USP13: variants seen among roughly 807,000 people sequenced by gnomAD.
The protein encoded by USP13 is ubiquitin specific peptidase 13, also known as ubiquitin carboxyl-terminal hydrolase 13.
USP13 carries 68 observed loss-of-function variants against 107.8 expected under a neutral mutation model. That is an observed-to-expected ratio of 0.63 (90% CI 0.52 to 0.77). The LOEUF (loss-of-function observed/expected upper bound fraction) is 0.77. USP13 is among the 30% of genes least tolerant of loss of function. The pLI is 0.00. For synonymous variants in USP13, 377 were observed against 389.5 expected (o/e 0.97, Z 0.38); for missense variants, 945 against 1,093.3 (o/e 0.86, Z 1.91).
intron 10 of USP13, among the ~76,000 whole-genome samples, chr3:179,738,574 T>A (rs950031374): frequency 3.9e-5 from 6 of 152,208 alleles, no homozygotes; most frequent in African/African-American, 7.2e-5. Context: ...ACAGTAGGTA[T>A]CACCATTAGT....
chr3:179,730,196 G>A lies in USP13; in HGVS notation c.1096G>A (p.Gly366Arg). The A allele has an allele frequency of 6.2e-7, 1 of 1,613,030 alleles. No homozygotes were observed. Among genetic ancestry groups the A allele is most frequent in the Non-Finnish European group, 8.5e-7 (1 of 1,179,592 alleles). Residue 366 changes from glycine (G) to arginine (R), a missense_variant, in exon 9 of 21, where the codon GGA (glycine) becomes AGA (arginine). By Grantham distance (125) the Gly-to-Arg change is moderately radical. Transcript: ENST00000263966. ...TTGCCTCTCATTTTCTAGGTATGTA[G>A]GAAACCTTCCCAGAATATTTGACTA... is the stretch of plus-strand genomic sequence containing the variant. ...SIPEFQRAYV[G>R]NLPRIFDYSP...
chr3:179,716,528 G>C (rs922491192), intron 6 of USP13, among the ~76,000 whole-genome samples: 1 of 152,202 alleles, frequency 6.6e-6, no homozygotes, highest in African/African-American at 2.4e-5. Flanking sequence ...TGAATACGAT[G>C]AATGAGTGAG....
chr3:179,708,805 A>C lies in USP13; in HGVS notation c.653A>C (p.Glu218Ala), dbSNP rs1358204924. The change falls in exon 6 of 21, where the codon GAA becomes GCA. Residue 218 changes from glutamate to alanine, a missense_variant. By Grantham distance (107) the Glu-to-Ala change is moderately radical. Transcript: ENST00000263966. ...GWKCARCDLRENLWLNLTDGS... is the reference protein window; with the variant it reads ...GWKCARCDLRANLWLNLTDGS... ...AAGTGTGCCAGATGCGACCTGCGAG[A>C]AAACCTCTGGTTGAATCTGACTGAC... The C allele has an allele frequency of 1.9e-6, 3 of 1,614,166 alleles. No individual in the cohort carries two copies. The highest frequency in any genetic ancestry group is 2.5e-6 in the Non-Finnish European group (3 of 1,180,022).
intron 1 of USP13, among the ~76,000 whole-genome samples, chr3:179,679,799 T>G (rs1160324494): frequency 3.4e-5 from 3 of 88,742 alleles, no homozygotes; most frequent in African/African-American, 9.0e-5. Context: ...CCTTAGTTTT[T>G]TTTTTTTTTT....
chr3:179,655,561 T>G (rs7622279), intron 1 of USP13, among the ~76,000 whole-genome samples: 60,516 of 133,780 alleles, frequency 0.45, 15,317 homozygotes, highest in Middle Eastern at 0.58. Flanking sequence ...TTTTTTGTTT[T>G]GTTTTGTTTT....
At position 179,681,911 on chromosome 3, in the gene USP13, A is replaced by ACATT. The variant is rs1277886682; in HGVS notation, c.203_206dup (p.Leu70IlefsTer10). The ACATT allele has an allele frequency of 6.2e-7, 1 of 1,613,880 alleles. No individual in the cohort carries two copies. Among genetic ancestry groups the ACATT allele is most frequent in the Non-Finnish European group, 8.5e-7 (1 of 1,179,940 alleles). ...AGGTGGACTCTATGTATGCATGAAT[A>ACATT]CATTTTTGGCCTTTGGAAGGGAACA... On this transcript the variant is annotated frameshift_variant, in exon 2 of 21. Transcript: ENST00000263966. LOFTEE classifies it high-confidence loss of function.
intron 8 of USP13, among the ~76,000 whole-genome samples, chr3:179,722,751 T>G (rs371178116): frequency 6.6e-6 from 1 of 152,232 alleles, no homozygotes; most frequent in African/African-American, 2.4e-5. Context: ...CTACTTATAC[T>G]TTTTTACCCA....
Position 179,742,274 on chromosome 3 carries a change from C to T in USP13, c.1458C>T (p.Thr486=). The change falls in exon 12 of 21, where the codon ACC becomes ACT. Residue 486 remains threonine, a synonymous_variant. Coordinates refer to ENST00000263966, the MANE Select transcript of USP13 (RefSeq NM_003940.3). The surrounding 1 kb of genome is among the most constrained non-coding windows in gnomAD (Gnocchi z 5.0). ...LVEERIQCCQ[T]RKVRYTERVD... ...AAGAACGCATTCAGTGCTGTCAGAC[C>T]CGGAAAGTCCGCTACACGGAGAGGG... is the stretch of plus-strand genomic sequence containing the variant. 6.2e-7 allele frequency: 1 copy of T among 1,614,166 alleles called. No individual in the cohort carries two copies. Among genetic ancestry groups the T allele is most frequent in the African/African-American group, 1.3e-5 (1 of 75,020 alleles).
chr3:179,763,917 A>G (rs1035282797), intron 17 of USP13, 85 bp from the exon 18 acceptor site: 147 of 1,447,026 alleles, frequency 1.0e-4, no homozygotes, highest in Non-Finnish European at 1.3e-4. Context: ...ACTTTGTAGA[A>G]TCATGTTTTT....
At chr3:179,716,241 A>G (rs1713109889) in intron 6 of USP13, among the ~76,000 whole-genome samples, 1 of 151,758 alleles carries the variant, frequency 6.6e-6, no homozygotes, top group Non-Finnish European at 1.5e-5. Context: ...GTTTTAACAC[A>G]AGGACTTGCT....
chr3:179,783,159 T>A (rs960085099), intron 20 of USP13, among the ~76,000 whole-genome samples: 4 of 152,114 alleles, frequency 2.6e-5, no homozygotes, highest in Non-Finnish European at 5.9e-5. Context: ...AAAAGAAAAA[T>A]AGCTTAATTA....
chr3:179,781,383 A>G (rs1256155738), intron 19 of USP13, among the ~76,000 whole-genome samples: 1 of 152,110 alleles, frequency 6.6e-6, no homozygotes, highest in African/African-American at 2.4e-5. Flanking sequence ...CAGAAAGAGG[A>G]AACAACTTGT....
At chr3:179,756,976 A>G (rs971891303) in intron 15 of USP13, 76 bp from the exon 16 acceptor site, 2 of 1,530,884 alleles carry the variant, frequency 1.3e-6, no homozygotes, top group Non-Finnish European at 1.8e-6. Context: ...AATGCCCTGG[A>G]TCAATGGGTT....
rs201476527 is a variant in USP13, at chr3:179,708,879, G to A, written c.727G>A (p.Gly243Arg). The change falls in exon 6 of 21, where the codon GGG (glycine) becomes AGG (arginine). Residue 243 changes from glycine (G) to arginine (R), a missense_variant. Transcript: ENST00000263966. ...KWFFDSSGGNGHALEHYRDMG... is the reference protein window; with the variant it reads ...KWFFDSSGGNRHALEHYRDMG... ...GTTCTTTGACAGCTCTGGGGGCAACGGGCATGCGCTGGAGCATTACAGAGA... is the reference window on the plus strand; with the variant it reads ...GTTCTTTGACAGCTCTGGGGGCAACAGGCATGCGCTGGAGCATTACAGAGA... 16 of 1,613,938 alleles carry A rather than the reference G, an allele frequency of 9.9e-6. No individual in the cohort carries two copies. In the Middle Eastern group the frequency reaches 6.6e-4, roughly 66 times the overall value.
At chr3:179,770,566 A>G (rs894435549) in intron 19 of USP13, among the ~76,000 whole-genome samples, 8 of 150,468 alleles carry the variant, frequency 5.3e-5, no homozygotes, top group Non-Finnish European at 1.2e-4. Flanking sequence ...ATTTCTTTTT[A>G]CTTTTTCTGG....
chr3:179,691,154 G>A (rs1025230823), intron 3 of USP13, among the ~76,000 whole-genome samples: 11 of 135,934 alleles, frequency 8.1e-5, no homozygotes, highest in South Asian at 5.1e-4. Context: ...GTGACAGAGC[G>A]GGATCCTGTC....
At chr3:179,714,505 C>T (rs1049704996) in intron 6 of USP13, among the ~76,000 whole-genome samples, 7 of 152,196 alleles carry the variant, frequency 4.6e-5, no homozygotes, top group South Asian at 2.1e-4. Flanking sequence ...TCACCCAGGA[C>T]GGCAGGGCCT....
intron 1 of USP13, among the ~76,000 whole-genome samples, chr3:179,655,648 G>A (rs939975483): frequency 4.7e-5 from 7 of 150,078 alleles, no homozygotes; most frequent in Non-Finnish European, 1.0e-4. Flanking sequence ...TCTGCCTCCT[G>A]GATTCAAGTG....
Position 179,742,275 on chromosome 3 carries a change from C to A in USP13, c.1459C>A (p.Arg487=). The change falls in exon 12 of 21, where the codon CGG becomes AGG. Residue 487 remains arginine (R), a synonymous_variant. Coordinates refer to ENST00000263966, the MANE Select transcript of USP13 (RefSeq NM_003940.3). This position sits in a 1 kb window ranked among gnomAD's most constrained non-coding sequence, Gnocchi z 5.0. The part of the protein sequence containing the change: ...VEERIQCCQT[R]KVRYTERVDY... ...AGAACGCATTCAGTGCTGTCAGACCCGGAAAGTCCGCTACACGGAGAGGGT... is the reference window on the plus strand; with the variant it reads ...AGAACGCATTCAGTGCTGTCAGACCAGGAAAGTCCGCTACACGGAGAGGGT... The A allele has an allele frequency of 6.2e-7, 1 of 1,614,208 alleles. No individual in the cohort carries two copies. Among genetic ancestry groups the A allele is most frequent in the South Asian group, 1.1e-5 (1 of 91,080 alleles).
Sources: gnomAD v4.1 joint callset for allele counts (sites outside exome capture counted in the v4.1 genomes callset) on GRCh38, gnomAD v4.1.1 for gene constraint, Gnocchi (gnomAD v3.1) non-coding constraint, MANE v1.5 for transcripts, NCBI Gene and HGNC (gene_info 2026-07-23, HGNC 2026-07-21) for gene names.